Variants in NR1D2 observed in about 807,000 individuals in gnomAD.
The protein encoded by NR1D2 is V-erbA-related protein 1-related.
A neutral mutation model predicts 52.2 loss-of-function variants in NR1D2; 25 were observed. The ratio of observed to expected loss-of-function variants is 0.48; its 90% CI spans 0.35 to 0.67. The LOEUF is 0.67. NR1D2 is among the 30% of genes least tolerant of loss of function. The probability of loss-of-function intolerance (pLI) is 0.01; values close to 1 mark genes in which losing one functional copy is unlikely to be tolerated. For missense variants in NR1D2, 681 were observed against 707.2 expected, an observed-to-expected ratio of 0.96 and a Z score of 0.42; for synonymous variants, 259 against 230.1, an observed-to-expected ratio of 1.13 and a Z score of -1.14.
intron 3 of NR1D2, among the ~76,000 whole-genome samples, chr3:23,956,379 T>C (rs1366058420): frequency 6.6e-6 from 1 of 152,250 alleles, no homozygotes; most frequent in Non-Finnish European, 1.5e-5. Flanking sequence ...ATACTTATTG[T>C]GTTAAACCAA....
chr3:23,951,496 C>G (rs1705931864), intron 1 of NR1D2, among the ~76,000 whole-genome samples: 1 of 152,144 alleles, frequency 6.6e-6, no homozygotes, highest in Admixed American at 6.5e-5. Flanking sequence ...TAGCAGTGTG[C>G]TAATACCTGG....
intron 7 of NR1D2, among the ~76,000 whole-genome samples, chr3:23,975,621 T>TGGTGGTGGGTGC (rs1394215837): frequency 6.6e-6 from 1 of 151,870 alleles, no homozygotes; most frequent in Admixed American, 6.6e-5. Context: ...GAGCCAGGTG[T>TGGTGGTGGGTGC]GGTGGTGGGT....
Position 23,967,877 on chromosome 3 carries a change from G to T in NR1D2, c.1397G>T (p.Gly466Val). Residue 466 changes from glycine to valine, a missense_variant, in exon 7 of 8, where the codon GGA becomes GTA. Gly to Val is a moderately radical substitution (Grantham distance 109). Around this residue, in one of 3 missense-constraint regions of NR1D2, gnomAD observed 475 missense variants for 454.5 expected, o/e 1.05. Transcript: ENST00000312521. ...GAACGTACTGTCACCTTTTTAAGTGGAAAGAAATATAGTGTGGATGATTTA... is the reference window on the plus strand; with the variant it reads ...GAACGTACTGTCACCTTTTTAAGTGTAAAGAAATATAGTGTGGATGATTTA... ...AKERTVTFLSGKKYSVDDLHS... is the reference protein window; with the variant it reads ...AKERTVTFLSVKKYSVDDLHS... 6.2e-7 allele frequency: 1 copy of T among 1,614,070 alleles called. No individual in the cohort carries two copies.
chr3:23,975,898 A>T (rs1168466357), intron 7 of NR1D2, among the ~76,000 whole-genome samples: 2 of 152,208 alleles, frequency 1.3e-5, no homozygotes, highest in Non-Finnish European at 2.9e-5. Flanking sequence ...GCTATCACTT[A>T]TAATGGAAGA....
chr3:23,958,589 A>G (rs1041534562), intron 3 of NR1D2, among the ~76,000 whole-genome samples: 1 of 141,226 alleles, frequency 7.1e-6, no homozygotes, highest in African/African-American at 2.7e-5. Context: ...GCGGTGAGCT[A>G]TTATTACGTC....
intron 4 of NR1D2, chr3:23,960,042 TA>T (rs1200611249): frequency 6.1e-6 from 2 of 327,334 alleles, no homozygotes; most frequent in Admixed American, 4.9e-5. Flanking sequence ...TTGCTTCTTC[TA>T]AAAAGAGCCA....
chr3:23,959,919 T>G, intron 4 of NR1D2, 104 bp downstream of exon 4: 1 of 1,034,094 alleles, frequency 9.7e-7, no homozygotes. Context: ...CCCTCTTGTA[T>G]TTAAGGTGAA....
rs186941880 is a variant in NR1D2 at position 23,977,600 on chromosome 3, C to G, written c.*181C>G. 2 of 420,572 alleles carry G rather than the reference C, an allele frequency of 4.8e-6. No homozygotes were observed. The highest frequency in any genetic ancestry group is 4.0e-5 in the Admixed American group (1 of 25,138). 26.1% of individuals were successfully genotyped at this position (420,572 alleles called of 1,614,324 possible). A position where few individuals can be genotyped will look rare whatever the true frequency, so the allele number is the denominator to read the frequency against. On this transcript the variant is annotated 3_prime_UTR_variant, in exon 8 of 8. Coordinates refer to ENST00000312521, the MANE Select transcript of NR1D2 (RefSeq NM_005126.5). ...TGAGAACTCTTCAGCCATGATTAGA[C>G]GTTGACTGCATCTCCCTGATAGACC...
intron 1 of NR1D2, chr3:23,946,265 G>A (rs1054351678): frequency 5.1e-6 from 5 of 985,356 alleles, no homozygotes; most frequent in Admixed American, 6.1e-5. Context: ...TGACCCCAAG[G>A]CGCGGACCCC....
chr3:23,970,543 A>G (rs556441039), intron 7 of NR1D2, among the ~76,000 whole-genome samples: 69 of 152,296 alleles, frequency 4.5e-4, no homozygotes, highest in African/African-American at 1.6e-3. Context: ...CCATTTACCT[A>G]TCCATCTATC....
At chr3:23,976,932 C>T (rs188415401) in intron 7 of NR1D2, among the ~76,000 whole-genome samples, 7 of 152,174 alleles carry the variant, frequency 4.6e-5, no homozygotes, top group Admixed American at 3.3e-4. Context: ...AATCAGATGA[C>T]ATCTAATTTT....
intron 6 of NR1D2, 129 bp downstream of exon 6, chr3:23,965,291 G>C (rs974369232): frequency 2.9e-6 from 2 of 686,554 alleles, no homozygotes; most frequent in African/African-American, 1.9e-5. Context: ...CCAGGCTGGA[G>C]TGCAGCAGCG....
chr3:23,954,767 GCA>G lies in NR1D2; in HGVS notation c.249_250del (p.Pro84TrpfsTer7). 1 of 1,614,126 alleles carries G rather than the reference GCA, an allele frequency of 6.2e-7. No homozygotes were observed. Among genetic ancestry groups the G allele is most frequent in the Non-Finnish European group, 8.5e-7 (1 of 1,179,976 alleles). On this transcript the variant is annotated frameshift_variant, in exon 2 of 8. Coordinates refer to ENST00000312521, the MANE Select transcript of NR1D2 (RefSeq NM_005126.5). LOFTEE classifies it high-confidence loss of function. The part of the protein sequence containing the change: ...DCSMKTSKSS[A>X]PGMTKSHSGV... ...TTCTATGAAAACAAGCAAATCGAGT[GCA>G]CCTGGGATGACAAAAAGTCATAGTG...
rs143563240 is a variant in NR1D2 at position 23,969,676 on chromosome 3, G to A, written c.1543+1653G>A. Among the ~76,000 whole-genome samples, 223 of 152,324 alleles carry A rather than the reference G, an allele frequency of 1.5e-3. 2 individuals are homozygous for A. Among genetic ancestry groups the A allele is most frequent in the African/African-American group, 4.9e-3 (202 of 41,564 alleles). The stretch of plus-strand genomic sequence containing the variant: ...TTAGGTGCTCAGGGGGAGACAGAAA[G>A]CTTTAAGGCACAAGCTTGCTAAGTG... On this transcript the variant is annotated intron_variant, in intron 7 of 7. Coordinates refer to ENST00000312521, the MANE Select transcript of NR1D2 (RefSeq NM_005126.5).
chr3:23,974,452 G>T (rs1706673872), intron 7 of NR1D2, among the ~76,000 whole-genome samples: 1 of 151,986 alleles, frequency 6.6e-6, no homozygotes, highest in African/African-American at 2.4e-5. Context: ...TTTATATGTG[G>T]TCTGCCATTA....
At chr3:23,974,088 C>CTTTTTTTTTT (rs60587118) in intron 7 of NR1D2, among the ~76,000 whole-genome samples, 8 of 79,504 alleles carry the variant, frequency 1.0e-4, no homozygotes, top group South Asian at 6.1e-4. Flanking sequence ...TTACAGTTAC[C>CTTTTTTTTTT]TTTTTTTTTT....
chr3:23,946,184 C>T (rs1388072243), intron 1 of NR1D2: 2 of 985,206 alleles, frequency 2.0e-6, no homozygotes, highest in African/African-American at 1.7e-5. Flanking sequence ...GCTGAGCCCC[C>T]GCGGCGGGGC....
intron 3 of NR1D2, among the ~76,000 whole-genome samples, chr3:23,957,715 T>C (rs949729066): frequency 1.3e-4 from 19 of 151,592 alleles, no homozygotes; most frequent in Admixed American, 1.2e-3. Context: ...CAGAGCCAGA[T>C]TCCGTCTCAA....
intron 1 of NR1D2, among the ~76,000 whole-genome samples, chr3:23,950,902 C>CTTTTTTTTTT (rs1181448290): frequency 2.1e-4 from 26 of 123,094 alleles, no homozygotes; most frequent in Non-Finnish European, 3.0e-4. Context: ...CTTTCTTTTT[C>CTTTTTTTTTT]TTTTTTTTTT....
Sources: allele counts gnomAD v4.1 joint callset (sites outside exome capture counted in the v4.1 genomes callset), GRCh38; gene constraint gnomAD v4.1.1; regional missense constraint gnomAD v4.1.1; transcripts MANE v1.5; gene names NCBI Gene and HGNC (gene_info 2026-07-23, HGNC 2026-07-21).